RFTN2: variants seen among roughly 807,000 people sequenced by gnomAD.
RFTN2 encodes the protein raftlin-2.
Under a neutral mutation model 52.7 loss-of-function variants are expected in RFTN2, and 34 were observed. The observed-to-expected ratio is 0.64, with a 90% CI of 0.49 to 0.86. The LOEUF (loss-of-function observed/expected upper bound fraction) is 0.86. Among genes scored for constraint, RFTN2 ranks in the 40% least tolerant of loss-of-function variants. RFTN2 has a pLI of 0.00. For missense variants in RFTN2, 536 were observed against 600.1 expected (o/e 0.89, Z 1.12); for synonymous variants, 203 against 217.7 (o/e 0.93, Z 0.59).
intron 8 of RFTN2, among the ~76,000 whole-genome samples, chr2:197,587,196 G>C (rs1248627319): frequency 6.6e-6 from 1 of 151,760 alleles, no homozygotes; most frequent in African/African-American, 2.4e-5. Flanking sequence ...CCTTCAACTT[G>C]ACCTCTGCTA....
At chr2:197,645,645 C>A (rs888660691) in intron 2 of RFTN2, among the ~76,000 whole-genome samples, 1 of 152,176 alleles carries the variant, frequency 6.6e-6, no homozygotes, top group Non-Finnish European at 1.5e-5. Context: ...CAATGGTTAG[C>A]TTTTAAATTA....
At chr2:197,668,336 TC>T (rs1034688949) in intron 1 of RFTN2, among the ~76,000 whole-genome samples, 4 of 152,204 alleles carry the variant, frequency 2.6e-5, no homozygotes, top group Admixed American at 2.6e-4. Context: ...AGTGGGATGT[TC>T]CCCAGGCCAG....
chr2:197,614,324 G>A (rs112455286), intron 7 of RFTN2, among the ~76,000 whole-genome samples: 390 of 152,292 alleles, frequency 2.6e-3, no homozygotes, highest in Non-Finnish European at 3.1e-3. Flanking sequence ...TGAATGCTGA[G>A]AAGAGTTTGG....
intron 5 of RFTN2, among the ~76,000 whole-genome samples, chr2:197,630,257 T>A (rs998970699): frequency 6.6e-6 from 1 of 152,182 alleles, no homozygotes; most frequent in Non-Finnish European, 1.5e-5. Flanking sequence ...GGAGATCTTA[T>A]TTGCTTTTCA....
At chr2:197,666,609 G>A (rs780610701) in intron 1 of RFTN2, among the ~76,000 whole-genome samples, 1 of 152,168 alleles carries the variant, frequency 6.6e-6, no homozygotes, top group Non-Finnish European at 1.5e-5. Context: ...AGTATAATGT[G>A]CTCTGGAGAA....
At chr2:197,625,989 G>C (rs150131235) in intron 5 of RFTN2, among the ~76,000 whole-genome samples, 1 of 151,886 alleles carries the variant, frequency 6.6e-6, no homozygotes, top group Non-Finnish European at 1.5e-5. Context: ...GCGTTTTGCC[G>C]TGTTGGCCAG....
intron 3 of RFTN2, among the ~76,000 whole-genome samples, chr2:197,640,477 G>C (rs1177305670): frequency 6.6e-6 from 1 of 152,242 alleles, no homozygotes; most frequent in Non-Finnish European, 1.5e-5. Context: ...CGCAATATTC[G>C]GGTGGGAGTG....
At chr2:197,650,378 A>G (rs142122064) in intron 1 of RFTN2, among the ~76,000 whole-genome samples, 1 of 152,338 alleles carries the variant, frequency 6.6e-6, no homozygotes, top group African/African-American at 2.4e-5. Context: ...TTGACACAAA[A>G]TCATATGGAC....
chr2:197,640,712 GGAGCTGTA>G (rs1291255564), intron 3 of RFTN2, among the ~76,000 whole-genome samples: 3 of 152,160 alleles, frequency 2.0e-5, no homozygotes, highest in African/African-American at 7.2e-5. Flanking sequence ...GCTCACGCCG[GGAGCTGTA>G]GACCGGAGCT....
chr2:197,654,681 A>G (rs866993088), intron 1 of RFTN2, among the ~76,000 whole-genome samples: 98 of 152,148 alleles, frequency 6.4e-4, no homozygotes, highest in African/African-American at 2.2e-3. Context: ...AATAAAATGA[A>G]TTACAAAACT....
chr2:197,612,707 G>C (rs1370774400), intron 7 of RFTN2, among the ~76,000 whole-genome samples: 1 of 152,222 alleles, frequency 6.6e-6, no homozygotes, highest in Non-Finnish European at 1.5e-5. Flanking sequence ...CGTTTCCATG[G>C]TAATGCAGCT....
chr2:197,668,697 C>G (rs746232234), intron 1 of RFTN2, among the ~76,000 whole-genome samples: 1 of 152,192 alleles, frequency 6.6e-6, no homozygotes, highest in African/African-American at 2.4e-5. Flanking sequence ...ATCACTAGAT[C>G]TAGGACAGTA....
intron 1 of RFTN2, among the ~76,000 whole-genome samples, chr2:197,664,475 CA>C (rs60640814): frequency 0.67 from 96,083 of 143,342 alleles, 32,108 homozygotes; most frequent in Middle Eastern, 0.86. Flanking sequence ...GACCCCATCT[CA>C]AAAAAAAAAA....
intron 2 of RFTN2, 145 bp downstream of exon 2, chr2:197,646,338 A>G (rs772198325): frequency 5.1e-6 from 3 of 592,592 alleles, no homozygotes; most frequent in Admixed American, 3.1e-5. Flanking sequence ...CCTTGCTTCA[A>G]TCCAGGTTCC....
chr2:197,655,736 A>G (rs907979301), intron 1 of RFTN2, among the ~76,000 whole-genome samples: 1 of 152,150 alleles, frequency 6.6e-6, no homozygotes, highest in Non-Finnish European at 1.5e-5. Flanking sequence ...AGGCAGGAGA[A>G]TCGCTTGAAC....
At chr2:197,624,422 A>AC (rs1160502294) in intron 5 of RFTN2, among the ~76,000 whole-genome samples, 1 of 150,748 alleles carries the variant, frequency 6.6e-6, no homozygotes, top group Non-Finnish European at 1.5e-5. Context: ...ACACGGTGAA[A>AC]CCCATCTCTA....
chr2:197,645,060 A>C (rs2088729344), intron 2 of RFTN2, among the ~76,000 whole-genome samples: 1 of 152,174 alleles, frequency 6.6e-6, no homozygotes, highest in Non-Finnish European at 1.5e-5. Context: ...CCATCACTGT[A>C]AAGAGAAAAT....
intron 5 of RFTN2, among the ~76,000 whole-genome samples, chr2:197,623,816 C>G (rs552964099): frequency 6.6e-5 from 10 of 152,236 alleles, no homozygotes; most frequent in Admixed American, 5.2e-4. Flanking sequence ...ACAGGCGTGT[C>G]ACTACGTCTG....
At chr2:197,640,023 C>G (rs1171756099) in intron 3 of RFTN2, among the ~76,000 whole-genome samples, 5 of 152,186 alleles carry the variant, frequency 3.3e-5, no homozygotes, top group Non-Finnish European at 4.4e-5. Context: ...TGTGCCCCTG[C>G]TGGGGGTGCC....
Sources: allele counts gnomAD v4.1 joint callset (sites outside exome capture counted in the v4.1 genomes callset), GRCh38; gene constraint gnomAD v4.1.1; transcripts MANE v1.5; gene names NCBI Gene and HGNC (gene_info 2026-07-23, HGNC 2026-07-21).